The following NREP variants were observed in gnomAD, a reference collection of about 807,000 sequenced individuals.
NREP encodes neuronal regeneration related protein.
A neutral mutation model predicts 8.6 loss-of-function variants in NREP; 5 were observed. The observed-to-expected ratio is 0.58, with a 90% CI of 0.30 to 1.22. The LOEUF is 1.22. NREP is among the 50% of genes most tolerant of loss of function. The pLI is 0.07. For synonymous variants in NREP, 27 were observed against 28.0 expected (o/e 0.96, Z 0.11); for missense variants, 86 against 82.5 (o/e 1.04, Z -0.17).
At chr5:111,781,662 C>A (rs955392453) in intron 2 of NREP, among the ~76,000 whole-genome samples, 2 of 152,142 alleles carry the variant, frequency 1.3e-5, no homozygotes, top group Non-Finnish European at 2.9e-5. Context: ...CTTCCAGGAT[C>A]TTTGGAAAAA....
At chr5:111,841,101 A>G (rs1264610588) in intron 2 of NREP, among the ~76,000 whole-genome samples, 1 of 152,108 alleles carries the variant, frequency 6.6e-6, no homozygotes, top group African/African-American at 2.4e-5. Context: ...GAGTTTTGGA[A>G]GAGTGAAACA....
intron 2 of NREP, among the ~76,000 whole-genome samples, chr5:111,939,401 G>C (rs530811154): frequency 1.3e-5 from 2 of 152,120 alleles, no homozygotes; most frequent in East Asian, 3.9e-4. Flanking sequence ...AGATACTTTA[G>C]AGCAATCAGC....
At chr5:111,752,147 TG>T (rs1750401210) in intron 2 of NREP, among the ~76,000 whole-genome samples, 1 of 152,212 alleles carries the variant, frequency 6.6e-6, no homozygotes, top group Non-Finnish European at 1.5e-5. Flanking sequence ...ATTTCTTCAA[TG>T]TATTTATGAT....
chr5:111,885,272 T>A lies in NREP; in HGVS notation c.135+90002A>T, dbSNP rs1331444821. Among the ~76,000 whole-genome samples, 22 of 150,858 alleles carry A rather than the reference T, an allele frequency of 1.5e-4. No individual in the cohort carries two copies. The East Asian group carries it at 3.9e-3, about 27-fold the overall frequency. ...ACCTAGGAATCCAACTTACAAGGGATGTGAAGGACCTCTTCAAGGAGAACT... is the reference window on the plus strand; with the variant it reads ...ACCTAGGAATCCAACTTACAAGGGAAGTGAAGGACCTCTTCAAGGAGAACT... On this transcript the variant is annotated intron_variant, in intron 2 of 3. Transcript: ENST00000395634.
chr5:111,863,363 A>G (rs974848933), intron 2 of NREP, among the ~76,000 whole-genome samples: 2 of 152,276 alleles, frequency 1.3e-5, no homozygotes, highest in South Asian at 2.1e-4. Context: ...TAAGTGGGAT[A>G]TACCCATAAA....
intron 2 of NREP, among the ~76,000 whole-genome samples, chr5:111,876,138 C>A (rs1465083776): frequency 6.6e-6 from 1 of 152,188 alleles, no homozygotes; most frequent in Admixed American, 6.5e-5. Flanking sequence ...GGTGGACATG[C>A]CTGGCCCCCA....
At chr5:111,750,921 G>A (rs545429363) in intron 2 of NREP, among the ~76,000 whole-genome samples, 16 of 152,240 alleles carry the variant, frequency 1.1e-4, no homozygotes, top group African/African-American at 2.6e-4. Flanking sequence ...TGGTTTCACC[G>A]CACTTTGTTT....
chr5:111,756,211 T>C (rs1750692255), intron 1 of NREP: 1 of 1,009,958 alleles, frequency 9.9e-7, no homozygotes, highest in South Asian at 4.2e-5. Flanking sequence ...GACGACAGAA[T>C]AGGAATCAGC....
At chr5:111,839,378 G>A (rs80156132) in intron 2 of NREP, among the ~76,000 whole-genome samples, 7,418 of 152,050 alleles carry the variant, frequency 0.049, 225 homozygotes, top group Non-Finnish European at 0.065. Context: ...TTTCCCATTC[G>A]GCCCATGTCT....
chr5:111,745,881 T>A (rs1012725185), intron 2 of NREP, among the ~76,000 whole-genome samples: 2 of 152,168 alleles, frequency 1.3e-5, no homozygotes, highest in Non-Finnish European at 2.9e-5. Flanking sequence ...AATTAATGTA[T>A]TAGAAATCCA....
intron 2 of NREP, among the ~76,000 whole-genome samples, chr5:111,787,332 T>C (rs140422773): frequency 2.3e-3 from 345 of 152,330 alleles, no homozygotes; most frequent in African/African-American, 7.7e-3. Context: ...AACTAACCAC[T>C]GGATAATTCT....
chr5:111,941,999 T>G (rs1414325300), intron 2 of NREP, among the ~76,000 whole-genome samples: 1 of 152,054 alleles, frequency 6.6e-6, no homozygotes, highest in Non-Finnish European at 1.5e-5. Context: ...CAGTACAACA[T>G]TTTGTAGGAT....
chr5:111,833,401 T>C (rs1752820181), intron 2 of NREP, among the ~76,000 whole-genome samples: 1 of 152,254 alleles, frequency 6.6e-6, no homozygotes. Flanking sequence ...CTCAATTCAC[T>C]TTCCAGGGTT....
chr5:111,881,056 G>C (rs1754049314), intron 2 of NREP, among the ~76,000 whole-genome samples: 1 of 152,238 alleles, frequency 6.6e-6, no homozygotes, highest in Non-Finnish European at 1.5e-5. Flanking sequence ...AGAGATCAGG[G>C]AATTCCCTTT....
chr5:111,868,056 T>C (rs763944353), intron 2 of NREP, among the ~76,000 whole-genome samples: 4 of 152,112 alleles, frequency 2.6e-5, no homozygotes, highest in Non-Finnish European at 4.4e-5. Context: ...AAAGGTACTC[T>C]CATTTTTAAA....
At chr5:111,911,839 C>G (rs1333310759) in intron 2 of NREP, among the ~76,000 whole-genome samples, 2 of 152,044 alleles carry the variant, frequency 1.3e-5, no homozygotes, top group Admixed American at 1.3e-4. Flanking sequence ...TCATTGCCTA[C>G]CTACTATGTA....
chr5:111,882,231 T>C (rs946912940), intron 2 of NREP, among the ~76,000 whole-genome samples: 10 of 151,884 alleles, frequency 6.6e-5, no homozygotes, highest in Non-Finnish European at 1.0e-4. Flanking sequence ...AGGGTATCAG[T>C]GATGGAAGAT....
chr5:111,946,074 T>TCACACA (rs72097994), intron 2 of NREP, among the ~76,000 whole-genome samples: 12,736 of 126,808 alleles, frequency 0.1, 694 homozygotes, highest in African/African-American at 0.17. Flanking sequence ...GAGATTTTGA[T>TCACACA]CACACACACA....
Position 111,787,873 on chromosome 5 carries a change from G to A in NREP, c.136-52366C>T, listed in dbSNP as rs554719778. 2.2e-4 allele frequency among the ~76,000 whole-genome samples: 34 copies of A among 152,240 alleles called. 1 individual carries two copies. Among genetic ancestry groups the A allele is most frequent in the Admixed American group, 6.5e-4 (10 of 15,278 alleles). ...AGTACTTTGAAAGACTGAGGCTGGC[G>A]GATTGCTTGAGGCCAGGAGTTTGAG... On this transcript the variant is annotated intron_variant, in intron 2 of 3. Coordinates refer to the NREP transcript ENST00000395634.
Sources: allele counts gnomAD v4.1 joint callset (sites outside exome capture counted in the v4.1 genomes callset), GRCh38; gene constraint gnomAD v4.1.1; transcripts MANE v1.5; gene names NCBI Gene and HGNC (gene_info 2026-07-23, HGNC 2026-07-21).